The following EFCAB8 variants were observed in gnomAD, a reference collection of about 807,000 sequenced individuals.
EFCAB8 encodes the protein EF-hand calcium binding domain 8, also known as EF-hand calcium-binding domain-containing protein 8.
EFCAB8 carries 100 observed loss-of-function variants against 116.3 expected under a neutral mutation model. The ratio of observed to expected loss-of-function variants is 0.86; its 90% CI spans 0.73 to 1.02. The LOEUF (loss-of-function observed/expected upper bound fraction) is 1.02, where lower values mean the gene tolerates loss of function less well. Ranked by LOEUF, EFCAB8 falls within the 50% of genes least tolerant of loss-of-function variation. EFCAB8 has a pLI of 0.00. For synonymous variants in EFCAB8, 558 were observed against 567.9 expected (o/e 0.98, Z 0.25); for missense variants, 1,320 against 1,416.9 (o/e 0.93, Z 1.10).
Position 32,959,769 on chromosome 20 carries a change from C to G in EFCAB8, c.3090-9C>G. Reference sequence around the variant, plus strand: ...GGGGACATCTTGTGAAGGAAAGCCCCCACACTAGGGAGCAGCGGGATCTGG... The same window carrying G: ...GGGGACATCTTGTGAAGGAAAGCCCGCACACTAGGGAGCAGCGGGATCTGG... On this transcript the variant is annotated splice_polypyrimidine_tract_variant and intron_variant, in intron 24 of 26. Transcript: ENST00000400522. The G allele has an allele frequency of 6.8e-7, 1 of 1,468,782 alleles. No individual in the cohort carries two copies. The highest frequency in any genetic ancestry group is 2.5e-5 in the East Asian group (1 of 40,202). The allele number at this position is 1,468,782 out of a possible 1,614,324, so 91.0% of individuals were successfully genotyped here.
chr20:32,917,480 G>C lies in EFCAB8; in HGVS notation c.2036G>C (p.Ser679Thr). The change falls in exon 18 of 27, where the codon AGC becomes ACC. Residue 679 changes from serine (S) to threonine (T), a missense_variant. By Grantham distance (58) the Ser-to-Thr change is moderately conservative (BLOSUM62 1). Transcript: ENST00000400522. Reference sequence around the variant, plus strand: ...ATCTTCAACTTCAATGCCTCTAGGAGCCCCTCGCCCTTGCAGCCCAAGAGG... The same window carrying C: ...ATCTTCAACTTCAATGCCTCTAGGACCCCCTCGCCCTTGCAGCCCAAGAGG... ...KPIFNFNASR[S>T]PSPLQPKRVQ... 3 of 1,492,822 alleles carry C rather than the reference G, an allele frequency of 2.0e-6. No individual in the cohort carries two copies. Among genetic ancestry groups the C allele is most frequent in the Non-Finnish European group, 2.7e-6 (3 of 1,111,480 alleles). The allele number at this position is 1,492,822 out of a possible 1,614,324, so 92.5% of individuals were successfully genotyped here. A position where few individuals can be genotyped will look rare whatever the true frequency, so the allele number is the denominator to read the frequency against.
intron 13 of EFCAB8, among the ~76,000 whole-genome samples, 197 bp from the exon 14 acceptor site, chr20:32,908,078 G>A (rs1316293830): frequency 1.3e-5 from 2 of 152,198 alleles, no homozygotes; most frequent in African/African-American, 4.8e-5. Flanking sequence ...CACTCACTGT[G>A]TACCTGGGTT....
At chr20:32,926,097 T>G (rs533856751) in intron 20 of EFCAB8, among the ~76,000 whole-genome samples, 4 of 152,296 alleles carry the variant, frequency 2.6e-5, no homozygotes, top group Admixed American at 2.6e-4. Flanking sequence ...CCTGCTGAAG[T>G]CCTGGGCGCT....
At chr20:32,918,278 TG>T in intron 18 of EFCAB8, 83 bp from the exon 19 acceptor site, 1 of 1,358,682 alleles carries the variant, frequency 7.4e-7, no homozygotes, top group Non-Finnish European at 1.0e-6. Flanking sequence ...GAGGGCCCTG[TG>T]GTGTTGGCAT....
At chr20:32,896,099 A>G (rs997937269) in intron 9 of EFCAB8, among the ~76,000 whole-genome samples, 7 of 152,222 alleles carry the variant, frequency 4.6e-5, no homozygotes, top group African/African-American at 1.7e-4. Context: ...AAAAGAGCCT[A>G]GAGTCTCAAT....
chr20:32,935,313 G>A (rs1012803661), intron 22 of EFCAB8, among the ~76,000 whole-genome samples: 6 of 143,190 alleles, frequency 4.2e-5, no homozygotes, highest in East Asian at 4.4e-4. Context: ...CAATTCTCCC[G>A]CCTCAGCCTC....
At chr20:32,874,610 C>T (rs959355805) in intron 3 of EFCAB8, among the ~76,000 whole-genome samples, 5 of 151,946 alleles carry the variant, frequency 3.3e-5, no homozygotes, top group Non-Finnish European at 7.4e-5. Flanking sequence ...GGTGCAATCT[C>T]GGTTCACTGC....
Position 32,898,512 on chromosome 20 carries a change from G to A in EFCAB8, c.977G>A (p.Cys326Tyr), listed in dbSNP as rs1194366409. ...YRLKALHPNW[C>Y]EQVKFIPQMN... ...TCCCAGGCTCTCCATCCCAACTGGT[G>A]TGAGCAGGTCAAGTTCATCCCCCAG... The change falls in exon 11 of 27, where the codon TGT becomes TAT. Residue 326 changes from cysteine (C) to tyrosine (Y), a missense_variant. By Grantham distance (194) the Cys-to-Tyr change is radical. Coordinates refer to ENST00000400522, the MANE Select transcript of EFCAB8 (RefSeq NM_001143967.2). 4.2e-6 allele frequency: 3 copies of A among 718,578 alleles called. No individual in the cohort carries two copies. The highest frequency in any genetic ancestry group is 2.3e-4 in the Middle Eastern group (1 of 4,372). The allele number at this position is 718,578 out of a possible 1,614,324, so 44.5% of individuals were successfully genotyped here. A position where few individuals can be genotyped will look rare whatever the true frequency, so the allele number is the denominator to read the frequency against.
intron 24 of EFCAB8, 145 bp from the exon 25 acceptor site, chr20:32,959,633 A>G: frequency 1.6e-6 from 1 of 644,644 alleles, no homozygotes; most frequent in Non-Finnish European, 2.7e-6. Context: ...TTACTCAGTG[A>G]TGGACTCTGG....
chr20:32,954,583 T>C (rs1988904573), intron 23 of EFCAB8, among the ~76,000 whole-genome samples: 1 of 152,224 alleles, frequency 6.6e-6, no homozygotes, highest in Non-Finnish European at 1.5e-5. Flanking sequence ...CTCTAATAAA[T>C]TTTTGCTTAC....
intron 9 of EFCAB8, among the ~76,000 whole-genome samples, chr20:32,893,505 GGA>G (rs1426273623): frequency 6.6e-5 from 10 of 152,170 alleles, no homozygotes. Context: ...CGAGGGCTGG[GGA>G]GAGGGGTGGC....
Position 32,889,290 on chromosome 20 carries a change from C to T in EFCAB8, c.568-11C>T, listed in dbSNP as rs1199191899. On this transcript the variant is annotated splice_polypyrimidine_tract_variant and intron_variant, in intron 6 of 26. Coordinates refer to ENST00000400522, the MANE Select transcript of EFCAB8 (RefSeq NM_001143967.2). ...GTCCCAGCCCATCTCCTCTGCTCTT[C>T]CTCTGGCCAGCTTAACCAGACCCAG... The T allele has an allele frequency of 1.9e-6, 3 of 1,551,292 alleles. No individual in the cohort carries two copies. The highest frequency in any genetic ancestry group is 2.6e-6 in the Non-Finnish European group (3 of 1,146,858).
intron 6 of EFCAB8, 85 bp downstream of exon 6, chr20:32,885,725 G>T: frequency 6.7e-7 from 1 of 1,498,804 alleles, no homozygotes; most frequent in Non-Finnish European, 9.0e-7. Context: ...GTGACCTGGA[G>T]CCAGGCAGAT....
chr20:32,939,985 GTGCCTGCC>G (rs751692972), intron 22 of EFCAB8, among the ~76,000 whole-genome samples: 1 of 108,896 alleles, frequency 9.2e-6, no homozygotes, highest in Non-Finnish European at 1.9e-5. Context: ...ATGAGCCACT[GTGCCTGCC>G]TGCCTGCCTG....
At chr20:32,871,140 C>CA (rs1984665110) in intron 3 of EFCAB8, among the ~76,000 whole-genome samples, 3 of 151,182 alleles carry the variant, frequency 2.0e-5, no homozygotes, top group African/African-American at 7.4e-5. Context: ...GTGTGAGCCA[C>CA]CGTGCCCGGC....
At position 32,961,543 on chromosome 20, in the gene EFCAB8, G is replaced by GC; in HGVS notation, c.3806dup (p.Arg1270LysfsTer?). The GC allele has an allele frequency of 1.4e-6, 2 of 1,406,934 alleles. No homozygotes were observed. The highest frequency in any genetic ancestry group is 1.9e-6 in the Non-Finnish European group (2 of 1,078,390). The allele number at this position is 1,406,934 out of a possible 1,614,324, so 87.2% of individuals were successfully genotyped here. On this transcript the variant is annotated frameshift_variant, in exon 27 of 27. Coordinates refer to ENST00000400522, the MANE Select transcript of EFCAB8 (RefSeq NM_001143967.2). LOFTEE classifies it low-confidence loss of function (END_TRUNC). ...AGCACATTGTCTCCTCCTTCGAGCG[G>GC]CCCCCAAGGCCTCTGAAGGCCACCT... is the stretch of plus-strand genomic sequence containing the variant.
At chr20:32,920,262 C>T (rs773257990) in intron 20 of EFCAB8, 47 bp downstream of exon 20, 22 of 1,544,422 alleles carry the variant, frequency 1.4e-5, no homozygotes, top group East Asian at 4.9e-5. Context: ...GGGGAGTGGG[C>T]GGTCAGGATT....
chr20:32,939,763 C>T lies in EFCAB8; in HGVS notation c.2791-3873C>T, dbSNP rs776682794. Among the ~76,000 whole-genome samples, 10 of 145,454 alleles carry T rather than the reference C, an allele frequency of 6.9e-5. 2 individuals carry two copies. The highest frequency in any genetic ancestry group is 4.0e-4 in the East Asian group (2 of 4,948). ...AGGCTGGAGTGCAGTGGCGCCACCTCGGTTCACTGCAACCTCCGCCTCCCA... is the reference window on the plus strand; with the variant it reads ...AGGCTGGAGTGCAGTGGCGCCACCTTGGTTCACTGCAACCTCCGCCTCCCA... On this transcript the variant is annotated intron_variant, in intron 22 of 26. Coordinates refer to ENST00000400522, the MANE Select transcript of EFCAB8 (RefSeq NM_001143967.2).
At chr20:32,948,584 A>AAAG (rs1988698210) in intron 23 of EFCAB8, among the ~76,000 whole-genome samples, 2 of 147,428 alleles carry the variant, frequency 1.4e-5, no homozygotes, top group African/African-American at 2.5e-5. Context: ...AAGAAAGAAA[A>AAAG]GAAAGGAAAA....
Sources: gnomAD v4.1 joint callset for allele counts (sites outside exome capture counted in the v4.1 genomes callset) on GRCh38, gnomAD v4.1.1 for gene constraint, MANE v1.5 for transcripts, NCBI Gene and HGNC (gene_info 2026-07-23, HGNC 2026-07-21) for gene names.